Variants in GRM8 observed in about 807,000 individuals in gnomAD.
GRM8 encodes glutamate metabotropic receptor 8.
A neutral mutation model predicts 87.2 loss-of-function variants in GRM8; 47 were observed. That is an observed-to-expected ratio of 0.54 (90% CI 0.43 to 0.69). The LOEUF is 0.69. Ranked by LOEUF, GRM8 falls within the 30% of genes least tolerant of loss-of-function variation. The pLI, the probability that GRM8 is intolerant of heterozygous loss-of-function variation, is 0.00. For synonymous variants in GRM8, 396 were observed against 404.5 expected (o/e 0.98, Z 0.25); for missense variants, 1,019 against 1,139.2 (o/e 0.89, Z 1.52).
chr7:126,539,082 C>G (rs1398341404), intron 8 of GRM8, among the ~76,000 whole-genome samples: 4 of 151,772 alleles, frequency 2.6e-5, no homozygotes, highest in Non-Finnish European at 5.9e-5. Context: ...AAGCTGAAAT[C>G]CTGTTTTTTT....
chr7:126,953,818 G>A (rs989080184), intron 3 of GRM8, among the ~76,000 whole-genome samples: 1 of 152,016 alleles, frequency 6.6e-6, no homozygotes, highest in Non-Finnish European at 1.5e-5. Flanking sequence ...AACTCCAGTG[G>A]ATTATACAAC....
At chr7:127,025,760 T>C (rs565146923) in intron 3 of GRM8, among the ~76,000 whole-genome samples, 8 of 152,212 alleles carry the variant, frequency 5.3e-5, no homozygotes, top group Non-Finnish European at 7.4e-5. Flanking sequence ...AGCTGTATCA[T>C]TGTCATTCTG....
In GRM8 at chr7:126,937,190, G is replaced by A. The variant is rs149606831; in HGVS notation, c.728-32507C>T. 2.4e-3 allele frequency among the ~76,000 whole-genome samples: 366 copies of A among 152,280 alleles called. 2 individuals are homozygous for A. Among genetic ancestry groups the A allele is most frequent in the African/African-American group, 8.1e-3 (336 of 41,554 alleles). On this transcript the variant is annotated intron_variant, in intron 3 of 10. Coordinates refer to ENST00000339582, the MANE Select transcript of GRM8 (RefSeq NM_000845.3). ...CCAGTTCAAACATTCAGGTAGGGCA[G>A]GCCTGGATTTCCCATTCGAGCCTAT...
chr7:126,570,157 C>T (rs1470832064), intron 8 of GRM8, among the ~76,000 whole-genome samples: 3 of 152,164 alleles, frequency 2.0e-5, no homozygotes, highest in African/African-American at 7.2e-5. Context: ...TTTTCCCTAG[C>T]TACTTCCTTC....
intron 2 of GRM8, among the ~76,000 whole-genome samples, chr7:127,176,402 GA>G (rs1794109889): frequency 2.0e-5 from 3 of 152,140 alleles, no homozygotes; most frequent in Admixed American, 6.6e-5. Flanking sequence ...AGAGTAGATT[GA>G]AAAAACAAGG....
At chr7:126,483,054 ATATG>A (rs1806891020) in intron 9 of GRM8, among the ~76,000 whole-genome samples, 1 of 148,782 alleles carries the variant, frequency 6.7e-6, no homozygotes, top group African/African-American at 2.4e-5. Flanking sequence ...ATATATATGT[ATATG>A]TATAATTTAT....
intron 3 of GRM8, among the ~76,000 whole-genome samples, chr7:127,015,775 A>G (rs1380499663): frequency 6.6e-6 from 1 of 152,104 alleles, no homozygotes; most frequent in Admixed American, 6.6e-5. Context: ...TTCCTATTTC[A>G]TTAGGGAGAC....
chr7:126,849,405 C>T (rs1349052036), intron 6 of GRM8, among the ~76,000 whole-genome samples: 1 of 152,052 alleles, frequency 6.6e-6, no homozygotes, highest in Admixed American at 6.6e-5. Context: ...TAGGAATTCT[C>T]ACAATTAAAG....
intron 7 of GRM8, among the ~76,000 whole-genome samples, chr7:126,618,353 T>C (rs1423547283): frequency 6.6e-6 from 1 of 152,202 alleles, no homozygotes; most frequent in African/African-American, 2.4e-5. Flanking sequence ...GATCCCTTCC[T>C]TACACCTTAT....
At chr7:127,215,226 G>A (rs1796450133) in intron 2 of GRM8, 1 of 152,134 alleles carries the variant, frequency 6.6e-6, no homozygotes, top group South Asian at 2.1e-4. Context: ...TTTTGCTTGA[G>A]GTTTCCTGGA....
intron 6 of GRM8, among the ~76,000 whole-genome samples, chr7:126,879,094 T>C (rs1289427177): frequency 1.5e-5 from 2 of 133,746 alleles, no homozygotes; most frequent in African/African-American, 5.8e-5. Context: ...ACTCAGAAGG[T>C]GGAGGTTGCA....
intron 6 of GRM8, among the ~76,000 whole-genome samples, chr7:126,821,905 C>G (rs1794333525): frequency 6.6e-6 from 1 of 152,188 alleles, no homozygotes; most frequent in African/African-American, 2.4e-5. Context: ...TCTCCTTAGT[C>G]TCCTATAATC....
intron 2 of GRM8, 67 bp downstream of exon 2, chr7:127,242,628 C>A: frequency 7.0e-7 from 1 of 1,438,664 alleles, no homozygotes; most frequent in Admixed American, 1.9e-5. Context: ...CTTCTTAAAC[C>A]TGCAGTAGGA....
chr7:126,748,560 T>A (rs1190969261), intron 7 of GRM8, among the ~76,000 whole-genome samples: 2 of 150,586 alleles, frequency 1.3e-5, no homozygotes, highest in African/African-American at 4.9e-5. Flanking sequence ...TCTCCAAATC[T>A]ATAGATTCAA....
intron 1 of GRM8, among the ~76,000 whole-genome samples, chr7:127,251,824 T>A (rs575636979): frequency 2.0e-5 from 3 of 151,784 alleles, no homozygotes; most frequent in Admixed American, 1.3e-4. Context: ...CTTTTCTCCA[T>A]CCCCCCAACC....
rs535123345 is a variant in GRM8, at chr7:126,826,609, G to C, written c.1157-56544C>G. Reference sequence around the variant, plus strand: ...TTGTTTGAGTTCATTGTAGATTCTGGATATTAGCCCTTTGTCAGATGAGTA... The same window carrying C: ...TTGTTTGAGTTCATTGTAGATTCTGCATATTAGCCCTTTGTCAGATGAGTA... On this transcript the variant is annotated intron_variant, in intron 6 of 10. Transcript: ENST00000339582. 5.3e-5 allele frequency among the ~76,000 whole-genome samples: 8 copies of C among 152,194 alleles called. No homozygotes were observed. The East Asian group carries it at 1.5e-3, about 29-fold the overall frequency.
chr7:126,462,148 G>C (rs1231381092), intron 9 of GRM8, among the ~76,000 whole-genome samples: 2 of 151,556 alleles, frequency 1.3e-5, no homozygotes, highest in African/African-American at 2.4e-5. Flanking sequence ...AACTGAGGCT[G>C]TTAAGTTTTA....
chr7:126,912,331 T>G (rs1464950728), intron 3 of GRM8, among the ~76,000 whole-genome samples: 1 of 152,306 alleles, frequency 6.6e-6, no homozygotes, highest in African/African-American at 2.4e-5. Context: ...GGAACAAAAA[T>G]GTAGACCAAG....
chr7:126,698,670 CA>C (rs1279763374), intron 7 of GRM8, among the ~76,000 whole-genome samples: 1 of 152,054 alleles, frequency 6.6e-6, no homozygotes, highest in African/African-American at 2.4e-5. Flanking sequence ...ATAAATTTAA[CA>C]ACTGTCATAA....
Sources: allele counts gnomAD v4.1 joint callset (sites outside exome capture counted in the v4.1 genomes callset), GRCh38; gene constraint gnomAD v4.1.1; transcripts MANE v1.5; gene names NCBI Gene and HGNC (gene_info 2026-07-23, HGNC 2026-07-21).